SEC14L5: variants seen among roughly 807,000 people sequenced by gnomAD.
SEC14L5 encodes the protein SEC14 like lipid binding 5, also known as SEC14-like protein 5.
In SEC14L5, 96 loss-of-function variants were observed where a neutral mutation model predicts 84.6. The ratio of observed to expected loss-of-function variants is 1.13; its 90% confidence interval spans 0.96 to 1.34. The LOEUF (loss-of-function observed/expected upper bound fraction) is 1.34. SEC14L5 is among the 40% of genes most tolerant of loss of function. SEC14L5 has a pLI of 0.00. For synonymous variants in SEC14L5, 546 were observed against 383.4 expected (o/e 1.42, Z -4.95); for missense variants, 1,224 against 942.5 (o/e 1.30, Z -3.91).
At chr16:5,004,440 A>T (rs1440110481) in intron 11 of SEC14L5, among the ~76,000 whole-genome samples, 1 of 152,158 alleles carries the variant, frequency 6.6e-6, no homozygotes, top group Non-Finnish European at 1.5e-5. Context: ...CAGATGGTTC[A>T]AATGAGGGGT....
At chr16:4,993,324 C>G (rs1054480259) in intron 6 of SEC14L5, among the ~76,000 whole-genome samples, 1 of 152,214 alleles carries the variant, frequency 6.6e-6, no homozygotes, top group African/African-American at 2.4e-5. Context: ...TCAATGCAAC[C>G]TCTGCCTCCC....
intron 5 of SEC14L5, 123 bp downstream of exon 5, chr16:4,991,018 T>C: frequency 1.3e-6 from 1 of 744,044 alleles, no homozygotes; most frequent in Admixed American, 3.6e-5. Flanking sequence ...GTTAAATGGG[T>C]ACTCTAGTAA....
intron 10 of SEC14L5, among the ~76,000 whole-genome samples, chr16:5,002,522 AT>A (rs1268569496): frequency 1.3e-5 from 2 of 151,514 alleles, no homozygotes; most frequent in African/African-American, 4.8e-5. Context: ...GTCTCTAGAG[AT>A]TTTCTAAGGA....
chr16:4,977,020 A>G (rs569097629), intron 2 of SEC14L5, among the ~76,000 whole-genome samples: 1 of 152,310 alleles, frequency 6.6e-6, no homozygotes, highest in East Asian at 1.9e-4. Flanking sequence ...TATGAAAGGC[A>G]CAGGGGCTGG....
chr16:5,001,016 G>C, intron 10 of SEC14L5, 91 bp downstream of exon 10: 1 of 1,012,342 alleles, frequency 9.9e-7, no homozygotes, highest in Non-Finnish European at 1.5e-6. Context: ...GGGCTGGGCA[G>C]CGTGCCAGGG....
At chr16:4,974,775 A>G (rs1280699177) in intron 2 of SEC14L5, among the ~76,000 whole-genome samples, 2 of 151,692 alleles carry the variant, frequency 1.3e-5, no homozygotes, top group African/African-American at 4.8e-5. Context: ...ATGCCTTTGC[A>G]TCCTCATATA....
intron 2 of SEC14L5, among the ~76,000 whole-genome samples, chr16:4,964,036 G>T (rs964687509): frequency 6.6e-6 from 1 of 152,160 alleles, no homozygotes; most frequent in African/African-American, 2.4e-5. Flanking sequence ...AAAACAATGA[G>T]CTTTTATTAT....
chr16:4,961,259 C>T (rs549782426), intron 2 of SEC14L5, among the ~76,000 whole-genome samples: 89 of 152,090 alleles, frequency 5.9e-4, no homozygotes, highest in Non-Finnish European at 1.1e-3. Context: ...GGTGACAGAG[C>T]GAGACTCCGT....
At chr16:4,983,292 G>A (rs1224884508) in intron 2 of SEC14L5, among the ~76,000 whole-genome samples, 1 of 151,814 alleles carries the variant, frequency 6.6e-6, no homozygotes, top group Admixed American at 6.6e-5. Context: ...GGGATTACAG[G>A]CATGAGCCAC....
At chr16:4,973,087 T>C (rs1414578516) in intron 2 of SEC14L5, among the ~76,000 whole-genome samples, 1 of 152,242 alleles carries the variant, frequency 6.6e-6, no homozygotes, top group Non-Finnish European at 1.5e-5. Context: ...CAGGCATACA[T>C]GAGTCAGCAT....
chr16:4,962,642 C>T (rs538062866), intron 2 of SEC14L5, among the ~76,000 whole-genome samples: 54 of 139,286 alleles, frequency 3.9e-4, no homozygotes, highest in African/African-American at 1.2e-3. Flanking sequence ...GAGCCGAGAT[C>T]GTGCCATTGC....
intron 2 of SEC14L5, among the ~76,000 whole-genome samples, chr16:4,968,929 G>A (rs1955238904): frequency 1.3e-5 from 2 of 152,248 alleles, no homozygotes; most frequent in Admixed American, 6.5e-5. Flanking sequence ...TAGCCAATGC[G>A]TTATTAATAA....
At chr16:4,973,871 A>T (rs1216546084) in intron 2 of SEC14L5, among the ~76,000 whole-genome samples, 2 of 151,620 alleles carry the variant, frequency 1.3e-5, no homozygotes, top group East Asian at 3.9e-4. Context: ...TTTAGTAGAG[A>T]TGGGGTTTCG....
intron 12 of SEC14L5, among the ~76,000 whole-genome samples, chr16:5,006,759 G>T (rs544014439): frequency 1.2e-4 from 18 of 152,342 alleles, no homozygotes; most frequent in African/African-American, 4.1e-4. Context: ...TTAGCAAACG[G>T]TTCTGCAGAT....
chr16:5,005,422 G>C (rs1955719508), intron 11 of SEC14L5, among the ~76,000 whole-genome samples: 1 of 152,030 alleles, frequency 6.6e-6, no homozygotes, highest in African/African-American at 2.4e-5. Context: ...AGTGACGGTG[G>C]GGTGGGAATG....
chr16:5,011,202 G>A lies in SEC14L5; in HGVS notation c.1908G>A (p.Thr636=), dbSNP rs373301681. 4.6e-5 allele frequency: 74 copies of A among 1,613,696 alleles called. No individual in the cohort carries two copies. Among genetic ancestry groups the A allele is most frequent in the African/African-American group, 1.6e-4 (12 of 74,902 alleles). ...TCCCGGGTGTGGACGATGTCCTGACGGCTCTGCACAGCCCCGGGCCCAAGT... is the reference window on the plus strand; with the variant it reads ...TCCCGGGTGTGGACGATGTCCTGACAGCTCTGCACAGCCCCGGGCCCAAGT... ...CSLPGVDDVL[T]ALHSPGPKCK... Residue 636 remains threonine (T), a synonymous_variant, in exon 15 of 16, where the codon ACG becomes ACA. Transcript: ENST00000251170.
In SEC14L5 at chr16:5,005,985, C is replaced by T. The variant is rs187248112; in HGVS notation, c.1374C>T (p.Pro458=). Residue 458 remains proline (P), a synonymous_variant, in exon 12 of 16, where the codon CCC becomes CCT. Coordinates refer to ENST00000251170, the MANE Select transcript of SEC14L5 (RefSeq NM_014692.2). The part of the protein sequence containing the change: ...LIYSGSNYQG[P]GGLVDYLDRE... ...ACAGTGGCAGCAACTACCAGGGACCCGGAGGCCTTGTGGACTATCTGGATA... is the reference window on the plus strand; with the variant it reads ...ACAGTGGCAGCAACTACCAGGGACCTGGAGGCCTTGTGGACTATCTGGATA... The T allele has an allele frequency of 2.7e-5, 43 of 1,613,654 alleles. No individual in the cohort carries two copies. Among genetic ancestry groups the T allele is most frequent in the African/African-American group, 1.9e-4 (14 of 75,006 alleles).
At chr16:4,996,556 A>G (rs926382840) in intron 7 of SEC14L5, 96 bp downstream of exon 7, 2 of 670,396 alleles carry the variant, frequency 3.0e-6, no homozygotes, top group Non-Finnish European at 5.4e-6. Flanking sequence ...GATAATGCTG[A>G]CACATTATCT....
chr16:5,016,541 A>G lies in SEC14L5; in HGVS notation c.*1571A>G, dbSNP rs141987442. On this transcript the variant is annotated 3_prime_UTR_variant, in exon 16 of 16. Coordinates refer to ENST00000251170, the MANE Select transcript of SEC14L5 (RefSeq NM_014692.2). ...CCCCATTGACTTGCGCCCAGCCCAC[A>G]TTACACATCCTCATGACCTGCGTGG... The G allele has an allele frequency of 2.0e-5, 3 of 152,272 alleles. No individual in the cohort carries two copies. Among genetic ancestry groups the G allele is most frequent in the Non-Finnish European group, 4.4e-5 (3 of 68,030 alleles). The allele number at this position is 152,272 out of a possible 1,614,324, so 9.4% of individuals were successfully genotyped here. A position where few individuals can be genotyped will look rare whatever the true frequency, so the allele number is the denominator to read the frequency against.
Sources: gnomAD v4.1 joint callset for allele counts (sites outside exome capture counted in the v4.1 genomes callset) on GRCh38, gnomAD v4.1.1 for gene constraint, MANE v1.5 for transcripts, NCBI Gene and HGNC (gene_info 2026-07-23, HGNC 2026-07-21) for gene names.